Variants in PARD6G observed in about 807,000 individuals in gnomAD.
PARD6G encodes the protein par-6 family cell polarity regulator gamma.
A neutral mutation model predicts 10.7 loss-of-function variants in PARD6G; 7 were observed. The observed-to-expected ratio is 0.66, with a 90% CI of 0.37 to 1.23. The LOEUF (loss-of-function observed/expected upper bound fraction) is 1.23. Among genes scored for constraint, PARD6G ranks in the 50% most tolerant of loss-of-function variants. PARD6G has a pLI of 0.02. For missense variants in PARD6G, 548 were observed against 571.8 expected (o/e 0.96, Z 0.42); for synonymous variants, 287 against 269.4 (o/e 1.07, Z -0.64).
At chr18:80,218,023 T>G (rs573242986) in intron 1 of PARD6G, among the ~76,000 whole-genome samples, 1 of 152,192 alleles carries the variant, frequency 6.6e-6, no homozygotes, top group African/African-American at 2.4e-5. Context: ...ATGATTCAAT[T>G]ACCTCCCACC....
At chr18:80,230,392 G>A (rs964028714) in intron 1 of PARD6G, among the ~76,000 whole-genome samples, 8 of 152,238 alleles carry the variant, frequency 5.3e-5, no homozygotes, top group South Asian at 2.1e-4. Context: ...CTGTTGGAGC[G>A]TGGGACTCGG....
intron 2 of PARD6G, among the ~76,000 whole-genome samples, chr18:80,191,967 C>A (rs1966901634): frequency 6.6e-6 from 1 of 152,218 alleles, no homozygotes; most frequent in African/African-American, 2.4e-5. Flanking sequence ...CTAACGCTGA[C>A]AAACCAGCCT....
intron 1 of PARD6G, among the ~76,000 whole-genome samples, chr18:80,217,449 C>A (rs1339300225): frequency 6.6e-6 from 1 of 152,256 alleles, no homozygotes; most frequent in African/African-American, 2.4e-5. Flanking sequence ...AGTAACTCTA[C>A]AGGGGAGAAA....
Position 80,202,950 on chromosome 18 carries a change from G to A in PARD6G, c.73-18C>T. On this transcript the variant is annotated intron_variant, in intron 1 of 2. Coordinates refer to ENST00000353265, the MANE Select transcript of PARD6G (RefSeq NM_032510.4). ...GCCCCAAACTACAATGCAAGAGACG[G>A]GGTGGGGGGAGGGGCATTAATAAAT... 5.2e-6 allele frequency: 2 copies of A among 387,524 alleles called. No homozygotes were observed. The highest frequency in any genetic ancestry group is 2.8e-5 in the African/African-American group (1 of 36,144). The allele number at this position is 387,524 out of a possible 1,614,324, so 24.0% of individuals were successfully genotyped here.
intron 1 of PARD6G, among the ~76,000 whole-genome samples, chr18:80,232,717 GC>G: frequency 6.6e-6 from 1 of 152,200 alleles, no homozygotes; most frequent in South Asian, 2.1e-4. Flanking sequence ...CACTACACCT[GC>G]CCCATCTCCA....
chr18:80,206,917 T>A (rs1228300717), intron 1 of PARD6G, among the ~76,000 whole-genome samples: 1 of 151,340 alleles, frequency 6.6e-6, no homozygotes. Flanking sequence ...ATTCTTCAGA[T>A]GTTTACTTGG....
intron 2 of PARD6G, among the ~76,000 whole-genome samples, chr18:80,194,098 T>C (rs749590194): frequency 2.0e-5 from 3 of 152,260 alleles, no homozygotes; most frequent in Non-Finnish European, 4.4e-5. Context: ...GAAATTTTTA[T>C]GTCTCTGGAC....
chr18:80,174,356 TG>T (rs1363983141), intron 2 of PARD6G, among the ~76,000 whole-genome samples: 4 of 152,146 alleles, frequency 2.6e-5, no homozygotes, highest in Non-Finnish European at 4.4e-5. Context: ...GAACTGAGGC[TG>T]GAGGCCGCTA....
chr18:80,224,658 T>G (rs992257396), intron 1 of PARD6G, among the ~76,000 whole-genome samples: 3 of 152,128 alleles, frequency 2.0e-5, no homozygotes, highest in South Asian at 4.1e-4. Flanking sequence ...CCAACCTGGC[T>G]AACACGGTGA....
At chr18:80,199,946 A>G (rs1966993947) in intron 2 of PARD6G, among the ~76,000 whole-genome samples, 1 of 152,220 alleles carries the variant, frequency 6.6e-6, no homozygotes, top group East Asian at 1.9e-4. Flanking sequence ...TGCCTGGCTG[A>G]GCAACAGATT....
At chr18:80,224,854 A>AT (rs1454467601) in intron 1 of PARD6G, among the ~76,000 whole-genome samples, 2 of 151,948 alleles carry the variant, frequency 1.3e-5, no homozygotes, top group East Asian at 3.9e-4. Flanking sequence ...TTCAAAAAAA[A>AT]AAGAAAGTGA....
rs568054441 is a variant in PARD6G at position 80,224,675 on chromosome 18, A to G, written c.73-21743T>C. On this transcript the variant is annotated intron_variant, in intron 1 of 2. Coordinates refer to ENST00000353265, the MANE Select transcript of PARD6G (RefSeq NM_032510.4). The stretch of plus-strand genomic sequence containing the variant: ...AACCTGGCTAACACGGTGAAACCCC[A>G]TCTCTACTAAAAATACAAAAAATTA... Among the ~76,000 whole-genome samples the G allele has an allele frequency of 9.7e-3, 1,472 of 152,222 alleles. 22 individuals carry two copies. The highest frequency in any genetic ancestry group is 0.026 in the African/African-American group (1,080 of 41,526).
At chr18:80,233,017 GCCT>G (rs1967377846) in intron 1 of PARD6G, among the ~76,000 whole-genome samples, 1 of 152,128 alleles carries the variant, frequency 6.6e-6, no homozygotes, top group African/African-American at 2.4e-5. Flanking sequence ...GTGGAGTGGG[GCCT>G]CCTCAACAGT....
intron 1 of PARD6G, among the ~76,000 whole-genome samples, chr18:80,240,165 G>A (rs560467322): frequency 6.6e-6 from 1 of 152,298 alleles, no homozygotes; most frequent in South Asian, 2.1e-4. Flanking sequence ...CTCCAACATC[G>A]GGGACCAAAT....
rs539236726 is a variant in PARD6G, at chr18:80,172,683, C to G, written c.296-12077G>C. The stretch of plus-strand genomic sequence containing the variant: ...TACAGACATGCACCACCATGCCCAG[C>G]TGGGTTGTCTTTTCTATTGACGTGA... On this transcript the variant is annotated intron_variant, in intron 2 of 2. Coordinates refer to ENST00000353265, the MANE Select transcript of PARD6G (RefSeq NM_032510.4). Among the ~76,000 whole-genome samples, 8 of 152,312 alleles carry G rather than the reference C, an allele frequency of 5.3e-5. No individual in the cohort carries two copies. The East Asian group carries it at 9.6e-4, about 18-fold the overall frequency.
chr18:80,194,200 C>A (rs146865401), intron 2 of PARD6G, among the ~76,000 whole-genome samples: 1 of 152,296 alleles, frequency 6.6e-6, no homozygotes, highest in Admixed American at 6.5e-5. Context: ...GAAAACAACA[C>A]GGCCTTAATG....
At chr18:80,196,168 A>T (rs1966954461) in intron 2 of PARD6G, among the ~76,000 whole-genome samples, 1 of 152,212 alleles carries the variant, frequency 6.6e-6, no homozygotes, top group Non-Finnish European at 1.5e-5. Context: ...TCCACCATTG[A>T]TGTATGTCTA....
intron 1 of PARD6G, among the ~76,000 whole-genome samples, chr18:80,229,745 C>G (rs1379908990): frequency 6.6e-6 from 1 of 152,206 alleles, no homozygotes; most frequent in East Asian, 1.9e-4. Flanking sequence ...CTGTAAAACA[C>G]AGGCCCTAAT....
At position 80,194,218 on chromosome 18, in the gene PARD6G, G is replaced by A. The variant is rs539868030; in HGVS notation, c.295+8492C>T. Reference sequence around the variant, plus strand: ...AACAACACGGCCTTAATGTGACAGCGCCACTCAATCCATCCTCGGTGCTGA... The same window carrying A: ...AACAACACGGCCTTAATGTGACAGCACCACTCAATCCATCCTCGGTGCTGA... On this transcript the variant is annotated intron_variant, in intron 2 of 2. Transcript: ENST00000353265. 2.6e-5 allele frequency among the ~76,000 whole-genome samples: 4 copies of A among 152,254 alleles called. No individual in the cohort carries two copies. In the South Asian group the frequency reaches 6.2e-4, roughly 24 times the overall value.
Sources: gnomAD v4.1 joint callset for allele counts (sites outside exome capture counted in the v4.1 genomes callset) on GRCh38, gnomAD v4.1.1 for gene constraint, MANE v1.5 for transcripts, NCBI Gene and HGNC (gene_info 2026-07-23, HGNC 2026-07-21) for gene names.